The following GABRB3 variants were observed in gnomAD, a reference collection of about 807,000 sequenced individuals.
The protein encoded by GABRB3 is gamma-aminobutyric acid receptor subunit beta-3.
A neutral mutation model predicts 52.1 loss-of-function variants in GABRB3; 14 were observed. The ratio of observed to expected loss-of-function variants is 0.27; its 90% CI spans 0.18 to 0.42. GABRB3 has a LOEUF of 0.42. Among genes scored for constraint, GABRB3 ranks in the 10% least tolerant of loss-of-function variants. The probability of loss-of-function intolerance (pLI) is 1.00; values close to 1 mark genes in which losing one functional copy is unlikely to be tolerated. For missense variants in GABRB3, 307 were observed against 609.1 expected (o/e 0.50, Z 5.22); for synonymous variants, 260 against 232.3 (o/e 1.12, Z -1.08).
chr15:26,684,038 G>T (rs1231575477), intron 3 of GABRB3, among the ~76,000 whole-genome samples: 1 of 152,150 alleles, frequency 6.6e-6, no homozygotes, highest in Non-Finnish European at 1.5e-5. Context: ...TTTTGAGTGA[G>T]ATTTAGGCAT....
chr15:26,692,981 T>C (rs2140666862), intron 3 of GABRB3, among the ~76,000 whole-genome samples: 1 of 152,320 alleles, frequency 6.6e-6, no homozygotes, highest in East Asian at 1.9e-4. Context: ...ACACAAAGGA[T>C]TGAGGGAGAA....
chr15:26,700,855 A>G lies in GABRB3; in HGVS notation c.240+71547T>C, dbSNP rs1053793592. 2.6e-5 allele frequency among the ~76,000 whole-genome samples: 4 copies of G among 152,212 alleles called. No individual in the cohort carries two copies. In the East Asian group the frequency reaches 7.7e-4, roughly 29 times the overall value. ...CAGATCATGAGGTCAGGAGGTCGAG[A>G]CCATCCTGGCTAACAGGGTGAAACC... On this transcript the variant is annotated intron_variant, in intron 3 of 8. Coordinates refer to ENST00000311550, the MANE Select transcript of GABRB3 (RefSeq NM_000814.6).
rs1566816838 is a variant in GABRB3, at chr15:26,716,809, CCAACCACAGCCCAG to C, written c.240+55579_240+55592del. On this transcript the variant is annotated intron_variant, in intron 3 of 8. Transcript: ENST00000311550. ...ACAGCCCAGCTCTGAGGACCTCCAC[CCAACCACAGCCCAG>C]CTCTGAGGACCTCCACCCAACCACA... is the stretch of plus-strand genomic sequence containing the variant. 8.7e-6 allele frequency: 10 copies of C among 1,151,316 alleles called. 1 individual carries two copies. The African/African-American group carries it at 8.8e-5, about 10-fold the overall frequency. 71.3% of individuals were successfully genotyped at this position (1,151,316 alleles called of 1,614,324 possible).
intron 8 of GABRB3, among the ~76,000 whole-genome samples, chr15:26,555,550 G>A (rs996765465): frequency 6.6e-6 from 1 of 152,194 alleles, no homozygotes; most frequent in African/African-American, 2.4e-5. Flanking sequence ...TAGACTGAGG[G>A]AAGTCAAACC....
chr15:26,728,136 C>A (rs1889820605), intron 3 of GABRB3, among the ~76,000 whole-genome samples: 1 of 152,154 alleles, frequency 6.6e-6, no homozygotes, highest in African/African-American at 2.4e-5. Context: ...TGAGACATTC[C>A]TCCAGGGAAA....
intron 4 of GABRB3, chr15:26,611,974 C>A (rs1247898103): frequency 6.6e-6 from 1 of 152,182 alleles, no homozygotes; most frequent in Non-Finnish European, 1.5e-5. Context: ...TGCTCCTCTG[C>A]ATAGATAGTA....
At chr15:26,556,792 C>G (rs998170846) in intron 8 of GABRB3, among the ~76,000 whole-genome samples, 1 of 152,150 alleles carries the variant, frequency 6.6e-6, no homozygotes, top group Non-Finnish European at 1.5e-5. Context: ...TACCAAGAGG[C>G]AGTTGCTGGT....
chr15:26,642,538 A>T, intron 3 of GABRB3: 2 of 1,274,312 alleles, frequency 1.6e-6, no homozygotes, highest in Non-Finnish European at 2.1e-6. Context: ...CCTGCAAAGA[A>T]ATGAGAAACA....
chr15:26,683,137 C>A (rs1231520539), intron 3 of GABRB3, among the ~76,000 whole-genome samples: 1 of 152,190 alleles, frequency 6.6e-6, no homozygotes, highest in African/African-American at 2.4e-5. Context: ...TGCTGGCTGC[C>A]AACGCTGGAT....
chr15:26,699,143 G>A (rs1214606966), intron 3 of GABRB3, among the ~76,000 whole-genome samples: 1 of 149,858 alleles, frequency 6.7e-6, no homozygotes, highest in African/African-American at 2.4e-5. Context: ...CAGAGTTTAA[G>A]AAGAAGTTTC....
intron 3 of GABRB3, among the ~76,000 whole-genome samples, chr15:26,674,400 C>CAAAAAAAAAAAAAA (rs55723767): frequency 4.6e-4 from 40 of 86,740 alleles, no homozygotes; most frequent in East Asian, 9.4e-4. Flanking sequence ...GACTCAGTTT[C>CAAAAAAAAAAAAAA]AAAAAAAAAA....
At chr15:26,759,330 C>T (rs534241286) in intron 3 of GABRB3, among the ~76,000 whole-genome samples, 4 of 152,182 alleles carry the variant, frequency 2.6e-5, no homozygotes, top group Non-Finnish European at 5.9e-5. Context: ...TCTTGGCTCA[C>T]GGCAACCTCC....
chr15:26,590,484 G>C (rs2140755830), intron 4 of GABRB3, among the ~76,000 whole-genome samples: 1 of 152,244 alleles, frequency 6.6e-6, no homozygotes, highest in African/African-American at 2.4e-5. Context: ...GGATGCACTG[G>C]CTGGTGGAGG....
At chr15:26,695,761 G>C (rs559093337) in intron 3 of GABRB3, among the ~76,000 whole-genome samples, 33 of 152,282 alleles carry the variant, frequency 2.2e-4, no homozygotes, top group African/African-American at 7.5e-4. Flanking sequence ...GCAACAATGA[G>C]TTTGGTGACT....
At chr15:26,555,831 T>C (rs758772534) in intron 8 of GABRB3, among the ~76,000 whole-genome samples, 19 of 152,226 alleles carry the variant, frequency 1.2e-4, no homozygotes, top group Non-Finnish European at 2.6e-4. Flanking sequence ...GGCTGCTTTA[T>C]TTATGGTTTT....
At chr15:26,686,832 T>C (rs1888422708) in intron 3 of GABRB3, among the ~76,000 whole-genome samples, 1 of 152,358 alleles carries the variant, frequency 6.6e-6, no homozygotes. Context: ...AAGTCTGCTT[T>C]GGAAGGAATA....
chr15:26,753,068 A>T (rs1352412267), intron 3 of GABRB3, among the ~76,000 whole-genome samples: 8 of 152,186 alleles, frequency 5.3e-5, no homozygotes, highest in Non-Finnish European at 4.4e-5. Context: ...GCAGGCTCTG[A>T]TACCTCTTGA....
chr15:26,606,491 A>C (rs1398940343), intron 4 of GABRB3, among the ~76,000 whole-genome samples: 1 of 152,148 alleles, frequency 6.6e-6, no homozygotes, highest in Non-Finnish European at 1.5e-5. Flanking sequence ...TTAGGAATAG[A>C]AGAAATATAC....
chr15:26,700,893 A>T (rs1888908678), intron 3 of GABRB3, among the ~76,000 whole-genome samples: 1 of 152,146 alleles, frequency 6.6e-6, no homozygotes, highest in Admixed American at 6.5e-5. Flanking sequence ...GTCTCTACTA[A>T]AAATACAAAA....
Sources: allele counts gnomAD v4.1 joint callset (sites outside exome capture counted in the v4.1 genomes callset), GRCh38; gene constraint gnomAD v4.1.1; transcripts MANE v1.5; gene names NCBI Gene and HGNC (gene_info 2026-07-23, HGNC 2026-07-21).